Variants in DPP10 observed in about 807,000 individuals in gnomAD.
DPP10 encodes inactive dipeptidyl peptidase 10.
A neutral mutation model predicts 120.9 loss-of-function variants in DPP10; 33 were observed. The observed-to-expected ratio is 0.27, with a 90% CI of 0.21 to 0.37. The LOEUF (loss-of-function observed/expected upper bound fraction) is 0.37. Among genes scored for constraint, DPP10 ranks in the 10% least tolerant of loss-of-function variants. DPP10 has a pLI of 1.00. For synonymous variants in DPP10, 337 were observed against 326.1 expected (o/e 1.03, Z -0.36); for missense variants, 816 against 942.8 (o/e 0.87, Z 1.76).
chr2:115,023,767 C>T (rs1458715252), intron 1 of DPP10, among the ~76,000 whole-genome samples: 5 of 152,008 alleles, frequency 3.3e-5, no homozygotes, highest in African/African-American at 7.2e-5. Flanking sequence ...CATCAATCAA[C>T]GAGTAGATAA....
chr2:114,726,482 A>G (rs1221475944), intron 1 of DPP10, among the ~76,000 whole-genome samples: 1 of 152,240 alleles, frequency 6.6e-6, no homozygotes, highest in African/African-American at 2.4e-5. Flanking sequence ...CCAAAAAGCC[A>G]CTGACAAACA....
chr2:114,898,823 G>T (rs1693289043), intron 1 of DPP10, among the ~76,000 whole-genome samples: 1 of 152,106 alleles, frequency 6.6e-6, no homozygotes. Flanking sequence ...AAAGAACAGG[G>T]TTTTATTTTT....
chr2:114,620,717 A>G (rs1026431876), intron 1 of DPP10, among the ~76,000 whole-genome samples: 24 of 152,190 alleles, frequency 1.6e-4, no homozygotes, highest in African/African-American at 5.8e-4. Context: ...GGCAAATTCA[A>G]AACTTCAGAG....
At chr2:114,588,962 A>G (rs1444515118) in intron 1 of DPP10, among the ~76,000 whole-genome samples, 1 of 148,254 alleles carries the variant, frequency 6.7e-6, no homozygotes, top group Non-Finnish European at 1.5e-5. Context: ...CTCTCTGGAA[A>G]CTATGGCACT....
At chr2:115,378,809 T>G (rs1417568818) in intron 3 of DPP10, among the ~76,000 whole-genome samples, 3 of 152,198 alleles carry the variant, frequency 2.0e-5, no homozygotes, top group East Asian at 3.9e-4. Flanking sequence ...ATTGAGATAA[T>G]CATGTGGTTT....
chr2:114,934,304 T>C (rs1320565551), intron 1 of DPP10, among the ~76,000 whole-genome samples: 1 of 152,218 alleles, frequency 6.6e-6, no homozygotes. Flanking sequence ...ACCAATAACA[T>C]AAACAGTTAA....
intron 1 of DPP10, among the ~76,000 whole-genome samples, chr2:114,622,860 G>T (rs1694205063): frequency 6.6e-6 from 1 of 152,084 alleles, no homozygotes; most frequent in Non-Finnish European, 1.5e-5. Context: ...GCATTTGCTT[G>T]CCTGGTCATG....
chr2:115,634,407 C>T (rs941003621), intron 5 of DPP10, among the ~76,000 whole-genome samples: 8 of 152,090 alleles, frequency 5.3e-5, no homozygotes, highest in South Asian at 2.1e-4. Flanking sequence ...TTTTTGTTGA[C>T]GTTATTGTTA....
At position 114,766,875 on chromosome 2, in the gene DPP10, T is replaced by G. The variant is rs1680750997; in HGVS notation, c.60+324037T>G. Among the ~76,000 whole-genome samples, 2 of 151,850 alleles carry G rather than the reference T, an allele frequency of 1.3e-5. 1 individual carries two copies. Among genetic ancestry groups the G allele is most frequent in the South Asian group, 4.2e-4 (2 of 4,810 alleles). On this transcript the variant is annotated intron_variant, in intron 1 of 25. Transcript: ENST00000410059. Reference sequence around the variant, plus strand: ...GCAGTGGTAGTAACATGAATGAAGTTAGGCTGAAACTGCATAGCACCACAG... The same window carrying G: ...GCAGTGGTAGTAACATGAATGAAGTGAGGCTGAAACTGCATAGCACCACAG...
intron 1 of DPP10, among the ~76,000 whole-genome samples, chr2:115,276,949 T>C (rs549867335): frequency 1.3e-5 from 2 of 152,296 alleles, no homozygotes; most frequent in Non-Finnish European, 2.9e-5. Context: ...AGCATAAAAA[T>C]AAATTCCAAC....
At chr2:114,456,410 A>T (rs946665893) in intron 1 of DPP10, among the ~76,000 whole-genome samples, 7 of 152,228 alleles carry the variant, frequency 4.6e-5, no homozygotes, top group Admixed American at 2.0e-4. Flanking sequence ...AGGCAGAGGC[A>T]TCTGTAGCAA....
intron 1 of DPP10, among the ~76,000 whole-genome samples, chr2:115,266,257 C>A (rs1275110936): frequency 1.3e-5 from 2 of 152,120 alleles, no homozygotes; most frequent in African/African-American, 4.8e-5. Context: ...ATTATCTCAA[C>A]ATTTATCTTT....
At chr2:114,484,556 G>T (rs1213783022) in intron 1 of DPP10, among the ~76,000 whole-genome samples, 2 of 152,068 alleles carry the variant, frequency 1.3e-5, no homozygotes, top group Admixed American at 6.6e-5. Flanking sequence ...ATGTTGTTTT[G>T]TGGTTTTTTA....
At chr2:115,248,860 G>A (rs764376920) in intron 1 of DPP10, among the ~76,000 whole-genome samples, 14 of 152,106 alleles carry the variant, frequency 9.2e-5, no homozygotes, top group Non-Finnish European at 1.8e-4. Flanking sequence ...AAAGACATGT[G>A]ATTACATCCA....
At chr2:115,692,212 ATT>A (rs59401521) in intron 7 of DPP10, among the ~76,000 whole-genome samples, 7 of 151,370 alleles carry the variant, frequency 4.6e-5, no homozygotes, top group South Asian at 2.1e-4. Context: ...AAGTTTTACA[ATT>A]TTTTTTTTAG....
intron 4 of DPP10, among the ~76,000 whole-genome samples, chr2:115,523,701 T>C (rs1427985649): frequency 6.6e-6 from 1 of 152,058 alleles, no homozygotes; most frequent in Non-Finnish European, 1.5e-5. Flanking sequence ...AAATTCCCCA[T>C]AGGTTAATTT....
chr2:115,777,475 G>A (rs1682246319), intron 14 of DPP10, among the ~76,000 whole-genome samples, 176 bp downstream of exon 14: 1 of 151,754 alleles, frequency 6.6e-6, no homozygotes, highest in South Asian at 2.1e-4. Context: ...TTACACAGAG[G>A]GATGTGTGTG....
At chr2:115,662,752 C>T (rs2089106261) in intron 5 of DPP10, among the ~76,000 whole-genome samples, 1 of 151,994 alleles carries the variant, frequency 6.6e-6, no homozygotes, top group Non-Finnish European at 1.5e-5. Flanking sequence ...AGGTAAAATC[C>T]AATATTGTTG....
chr2:115,533,077 A>T (rs1327554294), intron 5 of DPP10, among the ~76,000 whole-genome samples: 1 of 152,042 alleles, frequency 6.6e-6, no homozygotes, highest in Non-Finnish European at 1.5e-5. Flanking sequence ...TCTTGTTTGG[A>T]TTTAAAATAC....
Sources: allele counts gnomAD v4.1 joint callset (sites outside exome capture counted in the v4.1 genomes callset), GRCh38; gene constraint gnomAD v4.1.1; transcripts MANE v1.5; gene names NCBI Gene and HGNC (gene_info 2026-07-23, HGNC 2026-07-21).